The following ZNF799 variants were observed in gnomAD, a reference collection of about 807,000 sequenced individuals.
ZNF799 encodes the protein zinc finger protein 799.
ZNF799 carries 28 observed loss-of-function variants against 41.0 expected under a neutral mutation model. The ratio of observed to expected loss-of-function variants is 0.68; its 90% CI spans 0.51 to 0.94. The LOEUF (loss-of-function observed/expected upper bound fraction) is 0.94, where lower values mean the gene tolerates loss of function less well. Among genes scored for constraint, ZNF799 ranks in the 40% least tolerant of loss-of-function variants. ZNF799 has a pLI of 0.00. For missense variants in ZNF799, 716 were observed against 764.3 expected (o/e 0.94, Z 0.74); for synonymous variants, 213 against 252.9 (o/e 0.84, Z 1.50).
At chr19:12,401,569 C>CGCGAGAGA (rs1969987430), upstream of ZNF799, among the ~76,000 whole-genome samples, 4 of 78,434 alleles carry the variant, frequency 5.1e-5, no homozygotes, top group African/African-American at 2.2e-4. Context: ...TTTTTTTTTC[C>CGCGAGAGA]GAGAGAGAGA....
Position 12,391,770 on chromosome 19 carries a change from T to C in ZNF799, c.628A>G (p.Ser210Gly). ...GTTCTCTCATGCATATGTAATAAAC[T>C]GGGCCAAAAAAACGCTTTCCCACAC... ...KLCGKAFFWP[S>G]LLHMHERTHT... The change falls in exon 4 of 4, where the codon AGT becomes GGT. Residue 210 changes from serine to glycine, a missense_variant. Ser to Gly is a moderately conservative substitution (Grantham distance 56). Around this residue, in one of 2 missense-constraint regions of ZNF799, gnomAD observed 698 missense variants for 713.6 expected, o/e 0.98. Transcript: ENST00000430385. The C allele has an allele frequency of 6.2e-7, 1 of 1,614,110 alleles. No homozygotes were observed. Among genetic ancestry groups the C allele is most frequent in the Non-Finnish European group, 8.5e-7 (1 of 1,179,998 alleles).
the ZNF799 span, among the ~76,000 whole-genome samples, chr19:12,408,153 C>CA: frequency 5.3e-5 from 8 of 150,862 alleles, no homozygotes; most frequent in Non-Finnish European, 8.9e-5. Context: ...GTCTCAAAAA[C>CA]AAAAAAGATT....
At chr19:12,414,769 C>T in the ZNF799 span, among the ~76,000 whole-genome samples, 1 of 152,112 alleles carries the variant, frequency 6.6e-6, no homozygotes, top group Non-Finnish European at 1.5e-5. Flanking sequence ...CCTGCTGAAC[C>T]CACAGTTCAC....
chr19:12,394,553 CT>C (rs1969868364), intron 1 of ZNF799: 1 of 983,732 alleles, frequency 1.0e-6, no homozygotes, highest in Non-Finnish European at 1.2e-6. Flanking sequence ...AAGCTGGCAA[CT>C]AGTTTCCTTT....
the ZNF799 span, among the ~76,000 whole-genome samples, chr19:12,414,607 C>T: frequency 2.6e-5 from 4 of 152,318 alleles, no homozygotes; most frequent in Middle Eastern, 3.4e-3. Flanking sequence ...CACCTTATCT[C>T]TCAATCTACT....
the ZNF799 span, among the ~76,000 whole-genome samples, chr19:12,409,151 A>T: frequency 2.6e-5 from 4 of 152,344 alleles, no homozygotes; most frequent in Middle Eastern, 3.4e-3. Context: ...GTTTCTGATG[A>T]AACTGTTCCA....
At chr19:12,403,448 A>C (rs1428933142), upstream of ZNF799, among the ~76,000 whole-genome samples, 1 of 149,764 alleles carries the variant, frequency 6.7e-6, no homozygotes, top group Non-Finnish European at 1.5e-5. Flanking sequence ...GATTTTTATT[A>C]TTTCTTTTCT....
At chr19:12,406,240 G>A (rs776188846), upstream of ZNF799, among the ~76,000 whole-genome samples, 2 of 151,162 alleles carry the variant, frequency 1.3e-5, no homozygotes, top group Non-Finnish European at 2.9e-5. Flanking sequence ...AGAACTTTGG[G>A]AAGCCGAGGC....
rs774150696 is a variant in ZNF799, at chr19:12,391,709, C to T, written c.689G>A (p.Cys230Tyr). 5.6e-6 allele frequency: 9 copies of T among 1,614,096 alleles called. No homozygotes were observed. In the East Asian group the frequency reaches 1.6e-4, roughly 28 times the overall value. ...ACTGTAAAAAGAAAAGGCTTTAGAACACTGCTTACATTCATATGGTTTCTC... is the reference window on the plus strand; with the variant it reads ...ACTGTAAAAAGAAAAGGCTTTAGAATACTGCTTACATTCATATGGTTTCTC... Reference protein sequence around the residue: ...TGEKPYECKQCSKAFSFYSSY... With the variant: ...TGEKPYECKQYSKAFSFYSSY... The change falls in exon 4 of 4, where the codon TGT becomes TAT. Residue 230 changes from cysteine (C) to tyrosine (Y), a missense_variant. Cys to Tyr is a radical substitution (Grantham distance 194, BLOSUM62 -2). Transcript: ENST00000430385.
Position 12,392,197 on chromosome 19 carries a change from C to T in ZNF799, c.201G>A (p.Met67Ile). Residue 67 changes from methionine to isoleucine, a missense_variant, in exon 4 of 4, where the codon ATG becomes ATA. Transcript: ENST00000430385. ...RYPRKNLRCRMLERFVESKDG... is the reference protein window; with the variant it reads ...RYPRKNLRCRILERFVESKDG... Reference sequence around the variant, plus strand: ...CTTTACTTTCAACAAATCTCTCTAACATACGACATCTGTAAAAAATGGGAA... The same window carrying T: ...CTTTACTTTCAACAAATCTCTCTAATATACGACATCTGTAAAAAATGGGAA... 1 of 1,559,784 alleles carries T rather than the reference C, an allele frequency of 6.4e-7. No individual in the cohort carries two copies. Among genetic ancestry groups the T allele is most frequent in the Non-Finnish European group, 8.7e-7 (1 of 1,153,556 alleles).
chr19:12,406,556 A>G, the ZNF799 span, among the ~76,000 whole-genome samples: 1 of 152,028 alleles, frequency 6.6e-6, no homozygotes, highest in African/African-American at 2.4e-5. Context: ...AATGATGAAT[A>G]AAGAACTAAA....
chr19:12,393,848 G>A, intron 1 of ZNF799: 5 of 692,352 alleles, frequency 7.2e-6, no homozygotes, highest in Non-Finnish European at 9.2e-6. Context: ...TCTAGACAGT[G>A]TATTTAGGGG....
the ZNF799 span, among the ~76,000 whole-genome samples, chr19:12,409,059 G>A: frequency 6.6e-6 from 1 of 151,980 alleles, no homozygotes; most frequent in Admixed American, 6.6e-5. Context: ...AATGCATAAG[G>A]CAGCAGTCCC....
rs1262685896 is a variant in ZNF799, at chr19:12,391,667, T to C, written c.731A>G (p.Glu244Gly). 2 of 1,611,612 alleles carry C rather than the reference T, an allele frequency of 1.2e-6. No individual in the cohort carries two copies. Among genetic ancestry groups the C allele is most frequent in the Non-Finnish European group, 8.5e-7 (1 of 1,177,936 alleles). ...FSFYSSYLRH[E>G]RTHTGEKLYE... Reference sequence around the variant, plus strand: ...CAGTTTCTCCCCAGTATGTGTTCTTTCATGTCTTAGATAGGAACTGTAAAA... The same window carrying C: ...CAGTTTCTCCCCAGTATGTGTTCTTCCATGTCTTAGATAGGAACTGTAAAA... Residue 244 changes from glutamate to glycine, a missense_variant, in exon 4 of 4, where the codon GAA becomes GGA. Glu to Gly is a moderately conservative substitution (Grantham distance 98). Transcript: ENST00000430385.
In ZNF799 at chr19:12,391,221, G is replaced by A. The variant is rs1969809047; in HGVS notation, c.1177C>T (p.His393Tyr). ...GCTTTCCCACATATCTTGCATTTGT[G>A]AGGTCCATCTCCAGTGTGCATTGTC... Reference protein sequence around the residue: ...HMTMHTGDGPHKCKICGKAFV... With the variant: ...HMTMHTGDGPYKCKICGKAFV... Residue 393 changes from histidine to tyrosine, a missense_variant, in exon 4 of 4, where the codon CAC (histidine) becomes TAC (tyrosine). Around this residue, in one of 2 missense-constraint regions of ZNF799, gnomAD observed 698 missense variants for 713.6 expected, o/e 0.98. Coordinates refer to ENST00000430385, the MANE Select transcript of ZNF799 (RefSeq NM_001080821.3). 1 of 1,613,992 alleles carries A rather than the reference G, an allele frequency of 6.2e-7. No homozygotes were observed. The highest frequency in any genetic ancestry group is 1.3e-5 in the African/African-American group (1 of 74,900).
At chr19:12,399,459 A>C (rs1969945775) in intron 1 of ZNF799, among the ~76,000 whole-genome samples, 1 of 151,872 alleles carries the variant, frequency 6.6e-6, no homozygotes, top group Admixed American at 6.6e-5. Context: ...GTTGGGAAGA[A>C]AAGGTGAGTG....
rs1969803079 is a variant in ZNF799, at chr19:12,390,983, C to T, written c.1415G>A (p.Gly472Glu). The stretch of plus-strand genomic sequence containing the variant: ...TTCCTTACACTCATATGGCTTCTCT[C>T]CAGCATGAGTTGTTTTGTGATTTTG... ...SFQNHKTTHAGEKPYECKECG... is the reference protein window; with the variant it reads ...SFQNHKTTHAEEKPYECKECG... The change falls in exon 4 of 4, where the codon GGA becomes GAA. Residue 472 changes from glycine (G) to glutamate (E), a missense_variant. Coordinates refer to ENST00000430385, the MANE Select transcript of ZNF799 (RefSeq NM_001080821.3). 6.2e-7 allele frequency: 1 copy of T among 1,614,076 alleles called. No homozygotes were observed. The highest frequency in any genetic ancestry group is 8.5e-7 in the Non-Finnish European group (1 of 1,180,006).
At chr19:12,412,025 C>T in the ZNF799 span, among the ~76,000 whole-genome samples, 1 of 152,210 alleles carries the variant, frequency 6.6e-6, no homozygotes, top group South Asian at 2.1e-4. Context: ...GTGGTTGATC[C>T]AGATATCTCC....
chr19:12,398,634 AAACC>A (rs1231604401), intron 1 of ZNF799, among the ~76,000 whole-genome samples: 1 of 152,234 alleles, frequency 6.6e-6, no homozygotes, highest in Non-Finnish European at 1.5e-5. Flanking sequence ...TTCATCTGTC[AAACC>A]CATATAACAG....
Sources: allele counts gnomAD v4.1 joint callset (sites outside exome capture counted in the v4.1 genomes callset), GRCh38; gene constraint gnomAD v4.1.1; regional missense constraint gnomAD v4.1.1; transcripts MANE v1.5; gene names NCBI Gene and HGNC (gene_info 2026-07-23, HGNC 2026-07-21).